CATSPER3: variants seen among roughly 807,000 people sequenced by gnomAD.
The protein encoded by CATSPER3 is cation channel sperm-associated protein 3.
A neutral mutation model predicts 36.6 loss-of-function variants in CATSPER3; 23 were observed. That is an observed-to-expected ratio of 0.63 (90% CI 0.45 to 0.89). The LOEUF (loss-of-function observed/expected upper bound fraction) is 0.89. Among genes scored for constraint, CATSPER3 ranks in the 40% least tolerant of loss-of-function variants. CATSPER3 has a pLI of 0.00. For synonymous variants in CATSPER3, 172 were observed against 184.1 expected, an observed-to-expected ratio of 0.93 and a Z score of 0.53; for missense variants, 474 against 503.9, an observed-to-expected ratio of 0.94 and a Z score of 0.57.
At position 134,967,970 on chromosome 5, in the gene CATSPER3, A is replaced by T. The variant is rs1751553811; in HGVS notation, c.-22A>T. ...TTCTGTTGGATGCTAAAAGCAAGGA[A>T]TAAAAGTTGAAAATTTGGAAAATGT... On this transcript the variant is annotated 5_prime_UTR_variant, in exon 1 of 8. Transcript: ENST00000282611. 3.2e-6 allele frequency: 5 copies of T among 1,580,534 alleles called. No homozygotes were observed. Among genetic ancestry groups the T allele is most frequent in the Non-Finnish European group, 4.3e-6 (5 of 1,149,432 alleles).
intron 2 of CATSPER3, among the ~76,000 whole-genome samples, chr5:134,981,288 C>T (rs368284464): frequency 7.0e-4 from 107 of 152,118 alleles, no homozygotes; most frequent in Middle Eastern, 6.8e-3. Flanking sequence ...GTCATGAGTT[C>T]GAGACCAGCC....
chr5:134,984,967 C>A (rs761679533), intron 2 of CATSPER3, among the ~76,000 whole-genome samples: 2 of 152,136 alleles, frequency 1.3e-5, no homozygotes, highest in South Asian at 4.1e-4. Flanking sequence ...TACAGGCATA[C>A]GCCACCACGC....
intron 7 of CATSPER3, among the ~76,000 whole-genome samples, chr5:135,011,139 A>C (rs577829217): frequency 2.0e-5 from 3 of 152,354 alleles, no homozygotes; most frequent in Non-Finnish European, 4.4e-5. Context: ...CAGTGAGGAC[A>C]GATATAATTA....
intron 2 of CATSPER3, among the ~76,000 whole-genome samples, chr5:134,988,681 A>G (rs1751842280): frequency 6.6e-6 from 1 of 152,122 alleles, no homozygotes; most frequent in Admixed American, 6.5e-5. Flanking sequence ...ATTCTAGTTC[A>G]CTTGCTATTT....
In CATSPER3 at chr5:135,008,873, G is replaced by C; in HGVS notation, c.708G>C (p.Leu236Phe). The C allele has an allele frequency of 6.2e-7, 1 of 1,614,128 alleles. No individual in the cohort carries two copies. The change falls in exon 5 of 8, where the codon TTG becomes TTC. Residue 236 changes from leucine to phenylalanine, a missense_variant. Transcript: ENST00000282611. ...VDGWTDLQKQ[L>F]DNREFALSRA... ...GCTGGACAGACCTGCAGAAGCAGTTGGACAATCGGGAATTTGCTTTGAGCC... is the reference window on the plus strand; with the variant it reads ...GCTGGACAGACCTGCAGAAGCAGTTCGACAATCGGGAATTTGCTTTGAGCC...
Position 134,996,477 on chromosome 5 carries a change from A to G in CATSPER3, c.457A>G (p.Ile153Val). The G allele has an allele frequency of 6.2e-7, 1 of 1,614,186 alleles. No homozygotes were observed. Among genetic ancestry groups the G allele is most frequent in the Non-Finnish European group, 8.5e-7 (1 of 1,180,020 alleles). Reference protein sequence around the residue: ...YIADGMQSLRILKLIGYSQGI... With the variant: ...YIADGMQSLRVLKLIGYSQGI... Reference sequence around the variant, plus strand: ...CGCTGATGGCATGCAGTCCCTGCGCATCCTCAAGCTTATCGGCTATAGCCA... The same window carrying G: ...CGCTGATGGCATGCAGTCCCTGCGCGTCCTCAAGCTTATCGGCTATAGCCA... The change falls in exon 3 of 8, where the codon ATC becomes GTC. Residue 153 changes from isoleucine to valine, a missense_variant. Ile to Val is a conservative substitution (Grantham distance 29, BLOSUM62 3). Transcript: ENST00000282611.
intron 3 of CATSPER3, among the ~76,000 whole-genome samples, chr5:135,002,800 C>T (rs1752038106): frequency 6.6e-6 from 1 of 152,120 alleles, no homozygotes; most frequent in South Asian, 2.1e-4. Context: ...GTTTTCAGCT[C>T]CGTCAGGTCA....
chr5:134,974,567 A>G (rs1315570404), intron 2 of CATSPER3, among the ~76,000 whole-genome samples: 1 of 152,126 alleles, frequency 6.6e-6, no homozygotes, highest in Admixed American at 6.6e-5. Context: ...ATTACACTAT[A>G]TATTTGTTCA....
At position 134,970,109 on chromosome 5, in the gene CATSPER3, G is replaced by A. The variant is rs149202644; in HGVS notation, c.252+17G>A. 7.6e-3 allele frequency: 12,188 copies of A among 1,611,910 alleles called. 54 individuals are homozygous for A. Among genetic ancestry groups the A allele is most frequent in the Non-Finnish European group, 8.4e-3 (9,845 of 1,178,248 alleles). On this transcript the variant is annotated intron_variant, in intron 2 of 7. Coordinates refer to ENST00000282611, the MANE Select transcript of CATSPER3 (RefSeq NM_178019.3). ...CTTCTTGAGGTAAGCAGACAAAATGGGTCCATTTTCTTCTTTTTTTAAAAC... is the reference window on the plus strand; with the variant it reads ...CTTCTTGAGGTAAGCAGACAAAATGAGTCCATTTTCTTCTTTTTTTAAAAC...
intron 2 of CATSPER3, among the ~76,000 whole-genome samples, chr5:134,993,611 A>G (rs1453253673): frequency 6.6e-6 from 1 of 152,224 alleles, no homozygotes; most frequent in African/African-American, 2.4e-5. Context: ...GGTAGATATC[A>G]GAAGTCTAAC....
intron 3 of CATSPER3, among the ~76,000 whole-genome samples, chr5:135,007,014 T>C (rs1401886197): frequency 6.6e-6 from 1 of 152,094 alleles, no homozygotes; most frequent in Non-Finnish European, 1.5e-5. Context: ...TTGGACTGCC[T>C]CTGTTTCCCA....
At chr5:135,010,559 C>A in intron 7 of CATSPER3, 29 bp downstream of exon 7, 1 of 1,606,588 alleles carries the variant, frequency 6.2e-7, no homozygotes, top group South Asian at 1.1e-5. Context: ...CTTCCCTGGT[C>A]CCTAGGGCTT....
intron 7 of CATSPER3, 126 bp downstream of exon 7, chr5:135,010,656 G>T: frequency 1.2e-6 from 1 of 831,080 alleles, no homozygotes; most frequent in Non-Finnish European, 2.0e-6. Flanking sequence ...GGTGGAACAT[G>T]GCTTTCTTGG....
intron 2 of CATSPER3, among the ~76,000 whole-genome samples, chr5:134,971,513 C>G (rs1323110082): frequency 6.6e-6 from 1 of 152,014 alleles, no homozygotes; most frequent in Non-Finnish European, 1.5e-5. Flanking sequence ...TTCCTTACTA[C>G]AAGCCGTAAG....
intron 1 of CATSPER3, chr5:134,969,517 C>A: frequency 4.7e-6 from 1 of 210,984 alleles, no homozygotes; most frequent in South Asian, 7.9e-5. Context: ...CTGATGTGAG[C>A]ATGTGTATGG....
chr5:134,978,213 TAGG>T (rs753736553), intron 2 of CATSPER3, among the ~76,000 whole-genome samples: 3 of 152,194 alleles, frequency 2.0e-5, no homozygotes, highest in South Asian at 4.2e-4. Context: ...TACAGTTAGA[TAGG>T]AGGAATTAAT....
intron 2 of CATSPER3, among the ~76,000 whole-genome samples, chr5:134,986,962 C>T (rs992495163): frequency 2.6e-5 from 4 of 151,076 alleles, no homozygotes; most frequent in East Asian, 1.9e-4. Context: ...CCTTAAGGAA[C>T]GAGAAAAAGA....
intron 6 of CATSPER3, 21 bp from the exon 7 acceptor site, chr5:135,010,352 T>C (rs1409899483): frequency 6.2e-7 from 1 of 1,612,282 alleles, no homozygotes; most frequent in African/African-American, 1.3e-5. Context: ...CACTGCTCTC[T>C]CGTTATGCTT....
intron 3 of CATSPER3, among the ~76,000 whole-genome samples, chr5:135,000,427 G>A (rs1472846152): frequency 2.0e-5 from 3 of 152,174 alleles, no homozygotes; most frequent in Non-Finnish European, 2.9e-5. Flanking sequence ...GGATGATGTT[G>A]GCCTCATAAA....
Sources: gnomAD v4.1 joint callset for allele counts (sites outside exome capture counted in the v4.1 genomes callset) on GRCh38, gnomAD v4.1.1 for gene constraint, MANE v1.5 for transcripts, NCBI Gene and HGNC (gene_info 2026-07-23, HGNC 2026-07-21) for gene names.